MIER3: variants seen among roughly 807,000 people sequenced by gnomAD.
The protein encoded by MIER3 is MIER family member 3.
In MIER3, 9 loss-of-function variants were observed where a neutral mutation model predicts 63.2. The ratio of observed to expected loss-of-function variants is 0.14; its 90% CI spans 0.09 to 0.25. The LOEUF is 0.25. MIER3 is among the 10% of genes least tolerant of loss of function. MIER3 has a pLI of 1.00. For missense variants in MIER3, 512 were observed against 666.2 expected (o/e 0.77, Z 2.55); for synonymous variants, 205 against 224.9 (o/e 0.91, Z 0.79).
chr5:56,928,797 T>C lies in MIER3; in HGVS notation c.894A>G (p.Gly298=), dbSNP rs376221710. The C allele has an allele frequency of 8.7e-6, 14 of 1,613,598 alleles. No individual in the cohort carries two copies. The African/African-American group carries it at 1.9e-4, about 22-fold the overall frequency. ...TCTTCTGTATAAGATGAAAATCTTT[T>C]CCAAAAAGCATGAGTGCATGTTCAA... ...RSFEHALMLF[G]KDFHLIQKNK... Residue 298 remains glycine (G), a synonymous_variant, in exon 10 of 13, where the codon GGA becomes GGG. Transcript: ENST00000381199.
chr5:56,924,373 T>G (rs1381122545), intron 10 of MIER3, among the ~76,000 whole-genome samples: 1 of 152,218 alleles, frequency 6.6e-6, no homozygotes, highest in Non-Finnish European at 1.5e-5. Flanking sequence ...TTTACTGAGC[T>G]CTGTGATTTT....
chr5:56,940,585 T>C (rs1038201292), intron 3 of MIER3, among the ~76,000 whole-genome samples: 1 of 152,252 alleles, frequency 6.6e-6, no homozygotes, highest in Admixed American at 6.5e-5. Flanking sequence ...CACTAATTTA[T>C]AAATTTGCAG....
chr5:56,951,945 A>C, intron 1 of MIER3, 149 bp downstream of exon 1: 7 of 545,712 alleles, frequency 1.3e-5, no homozygotes, highest in African/African-American at 2.1e-5. Context: ...CGCCACGGCC[A>C]GTCGCCGCCC....
At chr5:56,932,449 C>T (rs963418788) in intron 8 of MIER3, among the ~76,000 whole-genome samples, 12 of 152,102 alleles carry the variant, frequency 7.9e-5, no homozygotes, top group African/African-American at 2.7e-4. Context: ...AATATCAATA[C>T]AAAAACCCAA....
At chr5:56,933,493 T>C (rs1202497016) in intron 7 of MIER3, 95 bp from the exon 8 acceptor site, 1 of 1,184,808 alleles carries the variant, frequency 8.4e-7, no homozygotes, top group Admixed American at 2.8e-5. Context: ...GGCTATCCAG[T>C]GGGACAAGTA....
intron 8 of MIER3, 23 bp from the exon 9 acceptor site, chr5:56,930,768 A>G (rs1561235803): frequency 6.3e-7 from 1 of 1,582,350 alleles, no homozygotes; most frequent in Non-Finnish European, 8.7e-7. Flanking sequence ...TTCAATAAAA[A>G]GTATTAAAAG....
rs1750548537 is a variant in MIER3, at chr5:56,938,998, T to C, written c.200A>G (p.Glu67Gly). Residue 67 changes from glutamate to glycine, a missense_variant, in exon 4 of 13, where the codon GAA becomes GGA. Glu to Gly is a moderately conservative substitution (Grantham distance 98). This residue lies in a region of MIER3 where 98 missense variants were observed against 107.4 expected (regional missense o/e 0.91). Coordinates refer to ENST00000381199, the MANE Select transcript of MIER3 (RefSeq NM_001297599.2). Reference protein sequence around the residue: ...DLEKEGTMPLEDLLAFYGYEP... With the variant: ...DLEKEGTMPLGDLLAFYGYEP... ...ATAGCCATAGAATGCCAGTAAATCT[T>C]CTAGAGGCATGGTTCCTTCCTGTTC... is the stretch of plus-strand genomic sequence containing the variant. 1.2e-6 allele frequency: 2 copies of C among 1,614,088 alleles called. No homozygotes were observed. Among genetic ancestry groups the C allele is most frequent in the Non-Finnish European group, 1.7e-6 (2 of 1,179,990 alleles).
In MIER3 at chr5:56,928,967, T is replaced by A. The variant is rs10599156; in HGVS notation, c.830-106A>T. The A allele has an allele frequency of 8.7e-3, 2,833 of 326,332 alleles. 525 individuals carry two copies. The highest frequency in any genetic ancestry group is 0.014 in the South Asian group (482 of 34,046). 20.2% of individuals were successfully genotyped at this position (326,332 alleles called of 1,614,324 possible). ...TAAAAGGTCACAAACTCTCTCTCTCTCTCACACACACACACTCTCTCTCTC... is the reference window on the plus strand; with the variant it reads ...TAAAAGGTCACAAACTCTCTCTCTCACTCACACACACACACTCTCTCTCTC... On this transcript the variant is annotated intron_variant, in intron 9 of 12. Transcript: ENST00000381199.
chr5:56,946,897 A>T, intron 3 of MIER3, 29 bp downstream of exon 3: 1 of 1,402,776 alleles, frequency 7.1e-7, no homozygotes, highest in Non-Finnish European at 9.5e-7. Flanking sequence ...AATCTTTGTT[A>T]AGTTTGTATA....
At chr5:56,951,855 C>G (rs1178240207) in intron 1 of MIER3, among the ~76,000 whole-genome samples, 1 of 151,038 alleles carries the variant, frequency 6.6e-6, no homozygotes, top group Admixed American at 6.6e-5. Context: ...GGTCGCCCGG[C>G]CCGACCGGGG....
rs1749820388 is a variant in MIER3, at chr5:56,923,899, A to C, written c.1052+16T>G. 6.2e-7 allele frequency: 1 copy of C among 1,614,020 alleles called. No homozygotes were observed. Among genetic ancestry groups the C allele is most frequent in the Admixed American group, 1.7e-5 (1 of 59,976 alleles). On this transcript the variant is annotated intron_variant, in intron 11 of 12. Coordinates refer to ENST00000381199, the MANE Select transcript of MIER3 (RefSeq NM_001297599.2). The stretch of plus-strand genomic sequence containing the variant: ...AGTTAAAAGTAAGTCTTTGAAGGCA[A>C]GGCCACAGTACTTACGTAACTCCAG...
chr5:56,952,178 G>GCCGCCA (rs1751064747), upstream of MIER3: 4 of 1,120,384 alleles, frequency 3.6e-6, no homozygotes, highest in Admixed American at 1.5e-4. Context: ...CGCAGCCGCC[G>GCCGCCA]CCGCCACCGC....
chr5:56,929,129 G>C (rs1254817534), intron 9 of MIER3: 2 of 290,236 alleles, frequency 6.9e-6, no homozygotes, highest in Non-Finnish European at 1.3e-5. Flanking sequence ...CTACATTATG[G>C]GATGAGAATT....
At chr5:56,929,775 G>A (rs1228959202) in intron 9 of MIER3, among the ~76,000 whole-genome samples, 1 of 152,128 alleles carries the variant, frequency 6.6e-6, no homozygotes, top group African/African-American at 2.4e-5. Context: ...ACTTGGGGCA[G>A]AGACCTGGAA....
chr5:56,950,547 A>AT, intron 2 of MIER3, 81 bp downstream of exon 2: 1 of 1,425,332 alleles, frequency 7.0e-7, no homozygotes, highest in Non-Finnish European at 9.8e-7. Context: ...ATACATTTCT[A>AT]TTGGGAATCC....
chr5:56,947,118 A>G (rs1394692386), intron 2 of MIER3, 47 bp from the exon 3 acceptor site: 3 of 1,550,926 alleles, frequency 1.9e-6, no homozygotes, highest in Non-Finnish European at 2.6e-6. Flanking sequence ...CAAGGCTATT[A>G]ACAAAAGAAA....
intron 2 of MIER3, among the ~76,000 whole-genome samples, chr5:56,948,949 T>G (rs1750922059): frequency 6.6e-6 from 1 of 152,220 alleles, no homozygotes; most frequent in Non-Finnish European, 1.5e-5. Flanking sequence ...ACTCCCAGCT[T>G]TGTCCTTGGC....
At chr5:56,943,841 C>T (rs755714452) in intron 3 of MIER3, among the ~76,000 whole-genome samples, 8 of 152,100 alleles carry the variant, frequency 5.3e-5, no homozygotes, top group Admixed American at 2.0e-4. Context: ...CACCTTATCC[C>T]GGGTATAAGG....
intron 3 of MIER3, among the ~76,000 whole-genome samples, chr5:56,942,239 G>A (rs1308539147): frequency 6.6e-6 from 1 of 152,162 alleles, no homozygotes; most frequent in African/African-American, 2.4e-5. Flanking sequence ...AAAGAGGAAG[G>A]GATCTATGCT....
Sources: allele counts gnomAD v4.1 joint callset (sites outside exome capture counted in the v4.1 genomes callset), GRCh38; gene constraint gnomAD v4.1.1; regional missense constraint gnomAD v4.1.1; transcripts MANE v1.5; gene names NCBI Gene and HGNC (gene_info 2026-07-23, HGNC 2026-07-21).